Variants in SURF1 observed in about 807,000 individuals in gnomAD.
SURF1 encodes surfeit locus protein 1.
In SURF1, 45 loss-of-function variants were observed where a neutral mutation model predicts 34.1. The observed-to-expected ratio is 1.32, with a 90% CI of 1.04 to 1.69. SURF1 has a LOEUF of 1.69. Ranked by LOEUF, SURF1 falls within the 40% of genes most tolerant of loss-of-function variation. The probability of loss-of-function intolerance (pLI) is 0.00; values close to 1 mark genes in which losing one functional copy is unlikely to be tolerated. For synonymous variants in SURF1, 188 were observed against 147.5 expected (o/e 1.27, Z -1.99); for missense variants, 456 against 384.6 (o/e 1.19, Z -1.55).
intron 2 of SURF1, among the ~76,000 whole-genome samples, chr9:133,355,667 T>C (rs1342264698): frequency 1.3e-5 from 2 of 152,194 alleles, no homozygotes; most frequent in Admixed American, 6.5e-5. Flanking sequence ...ATCAATTCAG[T>C]AATGGCTCAC....
chr9:133,355,814 ATTT>A (rs71503341), intron 2 of SURF1, among the ~76,000 whole-genome samples: 8 of 141,654 alleles, frequency 5.6e-5, no homozygotes, highest in Non-Finnish European at 9.3e-5. Flanking sequence ...TGCGGATACT[ATTT>A]TTTTTTTTTT....
chr9:133,353,842 T>C lies in SURF1; in HGVS notation c.422A>G (p.Asp141Gly). The change falls in exon 5 of 9, where the codon GAC becomes GGC. Residue 141 changes from aspartate to glycine, a missense_variant. Coordinates refer to ENST00000371974, the MANE Select transcript of SURF1 (RefSeq NM_003172.4). ...GCCCTCCCGGGCCTCCCGGACAGGG[T>C]CCACCATGGTCCGGGGCATCATATA... ...ELYMMPRTMV[D>G]PVREAREGGL... 1 of 1,613,792 alleles carries C rather than the reference T, an allele frequency of 6.2e-7. No homozygotes were observed. The highest frequency in any genetic ancestry group is 8.5e-7 in the Non-Finnish European group (1 of 1,180,022).
chr9:133,355,968 G>T, intron 2 of SURF1: 1 of 535,602 alleles, frequency 1.9e-6, no homozygotes, highest in Non-Finnish European at 3.4e-6. Context: ...CTTTCAGCCT[G>T]GGCTGGCCAC....
intron 7 of SURF1, 43 bp from the exon 8 acceptor site, chr9:133,352,185 C>A: frequency 6.5e-7 from 1 of 1,546,290 alleles, no homozygotes; most frequent in Non-Finnish European, 8.8e-7. Context: ...ACTGGCCTGC[C>A]AGCCTCTGCA....
At chr9:133,356,099 C>G in intron 2 of SURF1, 170 bp downstream of exon 2, 1 of 920,942 alleles carries the variant, frequency 1.1e-6, no homozygotes, top group Admixed American at 2.1e-5. Context: ...CGGCACACGA[C>G]CACAATTCCA....
At chr9:133,354,581 C>G in intron 4 of SURF1, 78 bp downstream of exon 4, 1 of 1,563,422 alleles carries the variant, frequency 6.4e-7, no homozygotes. Flanking sequence ...CCAAAAGGGG[C>G]AAGCTGGCCA....
chr9:133,355,601 A>T (rs2130022073), intron 2 of SURF1, among the ~76,000 whole-genome samples: 9 of 152,198 alleles, frequency 5.9e-5, no homozygotes, highest in Non-Finnish European at 1.2e-4. Context: ...AAGCAGCTAC[A>T]GTTACTAAGT....
intron 2 of SURF1, 111 bp from the exon 3 acceptor site, chr9:133,355,068 G>T: frequency 6.9e-7 from 1 of 1,441,202 alleles, no homozygotes; most frequent in Non-Finnish European, 9.6e-7. Context: ...GCTGCCTAGA[G>T]CCAACTAGCA....
intron 5 of SURF1, 31 bp from the exon 6 acceptor site, chr9:133,352,797 G>A (rs2130010341): frequency 6.3e-7 from 1 of 1,594,928 alleles, no homozygotes; most frequent in Non-Finnish European, 8.5e-7. Context: ...CTTCAGGTGG[G>A]GAGGGTTTTT....
chr9:133,354,299 C>T (rs1836511351), intron 4 of SURF1: 3 of 490,248 alleles, frequency 6.1e-6, no homozygotes, highest in South Asian at 4.2e-5. Flanking sequence ...AGAGAGCAGA[C>T]AAATCATTCA....
chr9:133,354,634 C>T (rs2130017470), intron 4 of SURF1, 25 bp downstream of exon 4: 2 of 1,611,632 alleles, frequency 1.2e-6, no homozygotes, highest in Non-Finnish European at 1.7e-6. Flanking sequence ...TAAAACAGGC[C>T]CTAGGGGGGC....
intron 5 of SURF1, 100 bp from the exon 6 acceptor site, chr9:133,352,866 G>A (rs1836470225): frequency 1.5e-6 from 2 of 1,334,444 alleles, no homozygotes; most frequent in South Asian, 1.3e-5. Flanking sequence ...AGAGCACCAA[G>A]GAAGGCTTTT....
At chr9:133,354,130 G>A in intron 4 of SURF1, 190 bp from the exon 5 acceptor site, 1 of 691,504 alleles carries the variant, frequency 1.4e-6, no homozygotes, top group Non-Finnish European at 2.6e-6. Context: ...CTTTACAAGA[G>A]AGGCTAAAAA....
intron 2 of SURF1, 138 bp from the exon 3 acceptor site, chr9:133,355,095 C>T (rs1201697193): frequency 8.8e-7 from 1 of 1,136,162 alleles, no homozygotes. Flanking sequence ...GTATCCAGCC[C>T]AGCTCCTAAC....
At chr9:133,353,388 C>T (rs1338279476) in intron 5 of SURF1, among the ~76,000 whole-genome samples, 1 of 152,210 alleles carries the variant, frequency 6.6e-6, no homozygotes, top group Non-Finnish European at 1.5e-5. Context: ...GCCTCCACTC[C>T]CTCAAGGTAG....
chr9:133,355,028 GAC>G, intron 2 of SURF1, 71 bp from the exon 3 acceptor site: 1 of 1,598,366 alleles, frequency 6.3e-7, no homozygotes, highest in African/African-American at 1.3e-5. Flanking sequence ...CCCGTTCCAA[GAC>G]AGACTCCAGT....
At chr9:133,352,271 C>G (rs1053962466) in intron 7 of SURF1, 129 bp from the exon 8 acceptor site, 10 of 1,359,888 alleles carry the variant, frequency 7.4e-6, no homozygotes, top group Non-Finnish European at 9.2e-6. Flanking sequence ...TGACCATCCC[C>G]GCCCTTGTCC....
At chr9:133,354,991 A>G (rs2130020245) in intron 2 of SURF1, 34 bp from the exon 3 acceptor site, 1 of 1,610,728 alleles carries the variant, frequency 6.2e-7, no homozygotes, top group East Asian at 2.2e-5. Flanking sequence ...ATGGAGCCAG[A>G]AGCCCTCGAA....
rs1363125797 is a variant in SURF1 at position 133,352,725 on chromosome 9, TTC to T, written c.555_556del (p.Lys186SerfsTer4). 5 of 1,613,256 alleles carry T rather than the reference TTC, an allele frequency of 3.1e-6. No homozygotes were observed. The highest frequency in any genetic ancestry group is 4.2e-6 in the Non-Finnish European group (5 of 1,179,810). On this transcript the variant is annotated frameshift_variant, in exon 6 of 9. Transcript: ENST00000371974. LOFTEE classifies it high-confidence loss of function. ...TTTCTGCCGGGTTTCAGGATTCACTTTCTTCCTGGGAACGAACCCTCTATTTA... is the reference window on the plus strand; with the variant it reads ...TTTCTGCCGGGTTTCAGGATTCACTTTTCCTGGGAACGAACCCTCTATTTA...
Sources: allele counts gnomAD v4.1 joint callset (sites outside exome capture counted in the v4.1 genomes callset), GRCh38; gene constraint gnomAD v4.1.1; transcripts MANE v1.5; gene names NCBI Gene and HGNC (gene_info 2026-07-23, HGNC 2026-07-21).